TEX2: variants seen among roughly 807,000 people sequenced by gnomAD.
TEX2 encodes the protein testis expressed 2.
TEX2 carries 53 observed loss-of-function variants against 106.9 expected under a neutral mutation model. The ratio of observed to expected loss-of-function variants is 0.50; its 90% CI spans 0.40 to 0.62. The LOEUF (loss-of-function observed/expected upper bound fraction) is 0.62. Among genes scored for constraint, TEX2 ranks in the 20% least tolerant of loss-of-function variants. The pLI is 0.00. For missense variants in TEX2, 1,207 were observed against 1,379.0 expected (o/e 0.88, Z 1.98); for synonymous variants, 523 against 534.8 (o/e 0.98, Z 0.30).
chr17:64,186,465 G>A (rs186109651), intron 5 of TEX2, among the ~76,000 whole-genome samples: 4 of 152,278 alleles, frequency 2.6e-5, no homozygotes, highest in Non-Finnish European at 4.4e-5. Context: ...GAGGATCAAC[G>A]GATCAAGAGC....
At chr17:64,193,492 C>T (rs986118756) in intron 4 of TEX2, 67 bp downstream of exon 4, 3 of 1,196,436 alleles carry the variant, frequency 2.5e-6, no homozygotes, top group Non-Finnish European at 3.4e-6. Context: ...TCCTACCTGG[C>T]ATTCTTTCTC....
chr17:64,200,043 G>A (rs2032607478), intron 2 of TEX2, among the ~76,000 whole-genome samples: 3 of 152,176 alleles, frequency 2.0e-5, no homozygotes, highest in African/African-American at 7.2e-5. Context: ...GAAATCTATT[G>A]TAGAAATTCA....
At chr17:64,160,293 G>A (rs2143654466) in intron 8 of TEX2, among the ~76,000 whole-genome samples, 1 of 152,228 alleles carries the variant, frequency 6.6e-6, no homozygotes, top group African/African-American at 2.4e-5. Flanking sequence ...TACAAAGAGA[G>A]GGATTTACTA....
intron 8 of TEX2, among the ~76,000 whole-genome samples, chr17:64,157,894 G>A (rs2030703939): frequency 6.6e-6 from 1 of 152,198 alleles, no homozygotes; most frequent in Non-Finnish European, 1.5e-5. Context: ...TGGTGGAGCA[G>A]GAAGAGGCCA....
chr17:64,241,901 G>GA (rs1194959504), intron 1 of TEX2, among the ~76,000 whole-genome samples: 1 of 152,164 alleles, frequency 6.6e-6, no homozygotes, highest in African/African-American at 2.4e-5. Flanking sequence ...CCAAAGAGCT[G>GA]GGATTACAGG....
intron 2 of TEX2, among the ~76,000 whole-genome samples, chr17:64,198,538 A>G (rs1286004459): frequency 2.9e-5 from 4 of 136,034 alleles, no homozygotes; most frequent in African/African-American, 1.0e-4. Context: ...TTGGCCATAC[A>G]GTCCCTGCAT....
intron 5 of TEX2, among the ~76,000 whole-genome samples, chr17:64,180,011 C>A (rs1250460457): frequency 2.0e-5 from 3 of 152,082 alleles, no homozygotes; most frequent in Admixed American, 2.0e-4. Flanking sequence ...TCCCTTTTTT[C>A]TCTGACTGAA....
At chr17:64,243,041 G>A (rs2033918348) in intron 1 of TEX2, among the ~76,000 whole-genome samples, 1 of 151,402 alleles carries the variant, frequency 6.6e-6, no homozygotes, top group Non-Finnish European at 1.5e-5. Flanking sequence ...CGATTCTTCT[G>A]CCTCCGCCTC....
chr17:64,232,532 A>C (rs9915829), intron 1 of TEX2, among the ~76,000 whole-genome samples: 20,569 of 152,232 alleles, frequency 0.14, 1,826 homozygotes, highest in African/African-American at 0.25. Flanking sequence ...AGCATAGCTG[A>C]GCAAGCAAGA....
chr17:64,173,923 G>A (rs1007849038), intron 6 of TEX2, among the ~76,000 whole-genome samples: 9 of 151,948 alleles, frequency 5.9e-5, no homozygotes, highest in Admixed American at 2.6e-4. Flanking sequence ...ATGGCTCACT[G>A]AAGCCACAGC....
chr17:64,216,794 C>G (rs1290918079), intron 1 of TEX2, among the ~76,000 whole-genome samples: 1 of 152,268 alleles, frequency 6.6e-6, no homozygotes, highest in African/African-American at 2.4e-5. Flanking sequence ...CACACTTGGG[C>G]CCCCTGACTG....
chr17:64,254,641 T>C (rs1294067941), intron 1 of TEX2, among the ~76,000 whole-genome samples: 3 of 152,360 alleles, frequency 2.0e-5, no homozygotes, highest in East Asian at 1.9e-4. Flanking sequence ...ATTCAACATA[T>C]AGAAACTTTC....
In TEX2 at chr17:64,188,263, T is replaced by C; in HGVS notation, c.2329A>G (p.Ser777Gly). The C allele has an allele frequency of 6.2e-7, 1 of 1,614,046 alleles. No homozygotes were observed. The highest frequency in any genetic ancestry group is 8.5e-7 in the Non-Finnish European group (1 of 1,180,038). ...GGGACACACCTGCCCATGTACACGC[T>C]GTAGTCGAGAAGCATCTTCTGCCGC... Reference protein sequence around the residue: ...SVRQKMLLDYSVYMGRCVPQE... With the variant: ...SVRQKMLLDYGVYMGRCVPQE... Residue 777 changes from serine to glycine, a missense_variant, in exon 5 of 12, where the codon AGC becomes GGC. Ser to Gly is a moderately conservative substitution (Grantham distance 56, BLOSUM62 0). This residue lies in a region of TEX2 where 1,067 missense variants were observed against 1,193.6 expected (regional missense o/e 0.89). Coordinates refer to ENST00000584379, the MANE Select transcript of TEX2 (RefSeq NM_001288732.2).
chr17:64,191,817 C>CAAAAAAAAAAAAAAAAAAAAAA (rs58376086), intron 4 of TEX2, among the ~76,000 whole-genome samples: 3 of 119,902 alleles, frequency 2.5e-5, no homozygotes, highest in African/African-American at 1.1e-4. Context: ...GACTCCATCT[C>CAAAAAAAAAAAAAAAAAAAAAA]AAAAAAAAAA....
intron 10 of TEX2, 68 bp downstream of exon 10, chr17:64,152,877 C>T (rs2143598742): frequency 2.0e-6 from 3 of 1,508,606 alleles, no homozygotes; most frequent in Non-Finnish European, 2.7e-6. Flanking sequence ...CAAGGTTAAG[C>T]AGGCTGGGAT....
At chr17:64,262,822 A>C (rs950027372) in intron 1 of TEX2, among the ~76,000 whole-genome samples, 3 of 152,152 alleles carry the variant, frequency 2.0e-5, no homozygotes, top group African/African-American at 4.8e-5. Context: ...GGCCCCATTC[A>C]TAAAATTGCA....
intron 6 of TEX2, among the ~76,000 whole-genome samples, chr17:64,171,516 G>A (rs2031397186): frequency 6.6e-6 from 1 of 152,000 alleles, no homozygotes; most frequent in Non-Finnish European, 1.5e-5. Flanking sequence ...GAGGGAACAC[G>A]GGGGTGGCTG....
chr17:64,170,620 A>ATTTTTTT (rs1438812052), intron 7 of TEX2, among the ~76,000 whole-genome samples: 11 of 56,544 alleles, frequency 1.9e-4, no homozygotes, highest in South Asian at 5.4e-4. Context: ...TCTATTCCAA[A>ATTTTTTT]TCTTTTTTTT....
chr17:64,159,107 C>G (rs1050520500), intron 8 of TEX2, among the ~76,000 whole-genome samples: 7 of 152,112 alleles, frequency 4.6e-5, no homozygotes, highest in African/African-American at 1.7e-4. Context: ...AACTGGGCTA[C>G]GAGGGCTGCA....
Sources: gnomAD v4.1 joint callset for allele counts (sites outside exome capture counted in the v4.1 genomes callset) on GRCh38, gnomAD v4.1.1 for gene constraint, gnomAD v4.1.1 regional missense constraint, MANE v1.5 for transcripts, NCBI Gene and HGNC (gene_info 2026-07-23, HGNC 2026-07-21) for gene names.